Variants in DHX8 observed in about 807,000 individuals in gnomAD.
The protein encoded by DHX8 is ATP-dependent RNA helicase DHX8.
Under a neutral mutation model 140.7 loss-of-function variants are expected in DHX8, and 67 were observed. The observed-to-expected ratio is 0.48, with a 90% CI of 0.39 to 0.58. The LOEUF (loss-of-function observed/expected upper bound fraction) is 0.58, where lower values mean the gene tolerates loss of function less well. Ranked by LOEUF, DHX8 falls within the 20% of genes least tolerant of loss-of-function variation. DHX8 has a pLI of 0.00. For synonymous variants in DHX8, 533 were observed against 553.2 expected, an observed-to-expected ratio of 0.96 and a Z score of 0.51; for missense variants, 887 against 1,550.7, an observed-to-expected ratio of 0.57 and a Z score of 7.19.
intron 2 of DHX8, chr17:43,533,963 G>A: frequency 1.3e-6 from 2 of 1,540,914 alleles, no homozygotes; most frequent in Non-Finnish European, 1.7e-6. Context: ...TCTTGATCCT[G>A]GTGGTGGGGC....
intron 3 of DHX8, among the ~76,000 whole-genome samples, chr17:43,543,669 C>A (rs1211090701): frequency 2.0e-5 from 3 of 152,150 alleles, no homozygotes; most frequent in Non-Finnish European, 2.9e-5. Context: ...GGAGACGGGG[C>A]AAAGCTCTGC....
chr17:43,530,297 A>T, downstream of DHX8: 1 of 1,507,648 alleles, frequency 6.6e-7, no homozygotes, highest in Non-Finnish European at 8.9e-7. Flanking sequence ...CTTCCTGGTG[A>T]CTGTTCTTTG....
At chr17:43,528,627 A>G, downstream of DHX8, 1 of 1,614,088 alleles carries the variant, frequency 6.2e-7, no homozygotes, top group South Asian at 1.1e-5. Flanking sequence ...TGTCCTCCTC[A>G]CTGACAGGCC....
downstream of DHX8, chr17:43,528,136 C>G (rs1431956394): frequency 2.9e-5 from 7 of 242,268 alleles, no homozygotes; most frequent in Non-Finnish European, 8.0e-6. Flanking sequence ...CTGGGGAGCT[C>G]AGTGAACCTC....
downstream of DHX8, chr17:43,529,544 G>A (rs376288935): frequency 3.5e-5 from 57 of 1,613,874 alleles, no homozygotes; most frequent in African/African-American, 1.6e-4. Flanking sequence ...TCCCCGGCCC[G>A]TCCAGGCAAT....
At chr17:43,516,486 C>T (rs537549376) in intron 17 of DHX8, among the ~76,000 whole-genome samples, 16 of 151,412 alleles carry the variant, frequency 1.1e-4, no homozygotes, top group African/African-American at 3.6e-4. Context: ...TTGTTGTTGC[C>T]CAGGCTGTAG....
chr17:43,521,461 GAAC>G lies in DHX8; in HGVS notation c.3165_3167del (p.Asn1055del). The G allele has an allele frequency of 1.9e-6, 3 of 1,613,956 alleles. No individual in the cohort carries two copies. The highest frequency in any genetic ancestry group is 2.5e-6 in the Non-Finnish European group (3 of 1,179,998). On this transcript the variant is annotated inframe_deletion, in exon 21 of 23. Transcript: ENST00000262415. Reference sequence around the variant, plus strand: ...TGCTAGCTGTGTACAACTCCTGGAAGAACAACAAGTTCTCCAACCCATGGTGCT... The same window carrying G: ...TGCTAGCTGTGTACAACTCCTGGAAGAACAAGTTCTCCAACCCATGGTGCT...
chr17:43,523,987 T>G lies in DHX8; in HGVS notation c.*140T>G. 1.4e-6 allele frequency: 2 copies of G among 1,451,506 alleles called. No homozygotes were observed. Among genetic ancestry groups the G allele is most frequent in the Non-Finnish European group, 1.8e-6 (2 of 1,105,718 alleles). 89.9% of individuals were successfully genotyped at this position (1,451,506 alleles called of 1,614,324 possible). ...TTTTCTCAACTCGACTCTCATTTCT[T>G]CCCTGCTGGTAAAATAGAAACAGGG... On this transcript the variant is annotated 3_prime_UTR_variant, in exon 23 of 23. Coordinates refer to ENST00000262415, the MANE Select transcript of DHX8 (RefSeq NM_004941.3).
rs562564270 is a variant in DHX8 at position 43,520,864 on chromosome 17, C to G, written c.3051C>G (p.Val1017=). ...TIVSMLSVQN[V]FYRPKDKQAL... is the part of the protein sequence containing the mutation. ...TATCCATGCTGTCTGTGCAGAACGTCTTCTATAGGCCCAAGGTAGGAAGTT... is the reference window on the plus strand; with the variant it reads ...TATCCATGCTGTCTGTGCAGAACGTGTTCTATAGGCCCAAGGTAGGAAGTT... Residue 1017 remains valine (V), a synonymous_variant, in exon 20 of 23, where the codon GTC becomes GTG. Transcript: ENST00000262415. 121 of 1,609,612 alleles carry G rather than the reference C, an allele frequency of 7.5e-5. 3 individuals are homozygous for G. In the South Asian group the frequency reaches 1.3e-3, roughly 17 times the overall value.
At chr17:43,493,351 G>T (rs1968650355) in intron 6 of DHX8, 94 bp from the exon 7 acceptor site, 1 of 1,506,360 alleles carries the variant, frequency 6.6e-7, no homozygotes, top group South Asian at 1.3e-5. Context: ...TTGAGTTTAA[G>T]ACCATTTTCT....
intron 2 of DHX8, among the ~76,000 whole-genome samples, chr17:43,490,017 C>T (rs979186314): frequency 1.0e-4 from 15 of 147,546 alleles, no homozygotes; most frequent in Non-Finnish European, 1.4e-4. Context: ...GATGATTTAA[C>T]CAGATTTTCT....
chr17:43,504,835 C>A lies in DHX8; in HGVS notation c.1728+10C>A. 1.2e-6 allele frequency: 2 copies of A among 1,609,404 alleles called. No individual in the cohort carries two copies. Among genetic ancestry groups the A allele is most frequent in the Non-Finnish European group, 1.7e-6 (2 of 1,177,956 alleles). On this transcript the variant is annotated intron_variant, in intron 12 of 22. Coordinates refer to ENST00000262415, the MANE Select transcript of DHX8 (RefSeq NM_004941.3). ...GGAGCAATTGGTCCAGGTGAGAAGA[C>A]TTTTATGATGTATTGGTGGGGAGTA...
At chr17:43,522,517 G>A (rs1399034176) in intron 22 of DHX8, among the ~76,000 whole-genome samples, 1 of 152,016 alleles carries the variant, frequency 6.6e-6, no homozygotes, top group African/African-American at 2.4e-5. Context: ...GGGAGGCTGA[G>A]GTGGGCAGAT....
Position 43,508,394 on chromosome 17 carries a change from C to T in DHX8, c.2376C>T (p.Ile792=), listed in dbSNP as rs1969608720. The part of the protein sequence containing the change: ...GQEEIDTACE[I]LYERMKSLGP... ...AAGAAATTGATACTGCTTGTGAGAT[C>T]CTGTATGAAAGAATGAAATCCCTGG... Residue 792 remains isoleucine, a synonymous_variant, in exon 16 of 23, where the codon ATC becomes ATT. Coordinates refer to ENST00000262415, the MANE Select transcript of DHX8 (RefSeq NM_004941.3). 6.2e-7 allele frequency: 1 copy of T among 1,612,036 alleles called. No individual in the cohort carries two copies. Among genetic ancestry groups the T allele is most frequent in the Non-Finnish European group, 8.5e-7 (1 of 1,178,242 alleles).
intron 3 of DHX8, among the ~76,000 whole-genome samples, chr17:43,539,217 C>G (rs1971399791): frequency 6.6e-6 from 1 of 152,198 alleles, no homozygotes; most frequent in Admixed American, 6.5e-5. Flanking sequence ...CTCTGACCTG[C>G]CTCTCCTTGC....
downstream of DHX8, chr17:43,529,110 T>G (rs1241102663): frequency 6.2e-6 from 10 of 1,609,508 alleles, no homozygotes; most frequent in Non-Finnish European, 8.5e-6. Flanking sequence ...CCCCACCACC[T>G]TGTCCCTAGA....
intron 6 of DHX8, 124 bp downstream of exon 6, chr17:43,493,164 T>C: frequency 7.5e-7 from 1 of 1,332,752 alleles, no homozygotes; most frequent in Non-Finnish European, 1.0e-6. Context: ...CCATACATGG[T>C]TCTTAGAAAT....
At chr17:43,506,503 C>T (rs1202100827) in intron 12 of DHX8, among the ~76,000 whole-genome samples, 1 of 151,686 alleles carries the variant, frequency 6.6e-6, no homozygotes, top group Non-Finnish European at 1.5e-5. Context: ...CTTGCAGTCC[C>T]AGCTACTTGG....
At position 43,525,482 on chromosome 17, in the gene DHX8, C is replaced by CT. The variant is rs1349463222; in HGVS notation, c.*1636dup. 2.0e-6 allele frequency: 2 copies of CT among 985,416 alleles called. No homozygotes were observed. The highest frequency in any genetic ancestry group is 4.7e-5 in the South Asian group (1 of 21,286). The allele number at this position is 985,416 out of a possible 1,614,324, so 61.0% of individuals were successfully genotyped here. ...TAAGCTGAGTGCCTCCTGATTCTGTCTGAGTATTCGCCTTTGTAAGCCCAG... is the reference window on the plus strand; with the variant it reads ...TAAGCTGAGTGCCTCCTGATTCTGTCTTGAGTATTCGCCTTTGTAAGCCCAG... On this transcript the variant is annotated 3_prime_UTR_variant, in exon 23 of 23. Transcript: ENST00000262415.
Sources: allele counts gnomAD v4.1 joint callset (sites outside exome capture counted in the v4.1 genomes callset), GRCh38; gene constraint gnomAD v4.1.1; transcripts MANE v1.5; gene names NCBI Gene and HGNC (gene_info 2026-07-23, HGNC 2026-07-21).